The following OR8B3 variants were observed in gnomAD, a reference collection of about 807,000 sequenced individuals.
OR8B3 encodes olfactory receptor family 8 subfamily B member 3, also known as olfactory receptor 8B3.
For synonymous variants in OR8B3, 102 were observed against 135.4 expected, an observed-to-expected ratio of 0.75 and a Z score of 1.71; for missense variants, 278 against 377.6, an observed-to-expected ratio of 0.74 and a Z score of 2.19.
At chr11:124,400,950 T>C (rs1291811597), upstream of OR8B3, among the ~76,000 whole-genome samples, 4 of 152,142 alleles carry the variant, frequency 2.6e-5, no homozygotes, top group Non-Finnish European at 5.9e-5. Flanking sequence ...TGTACTTTCT[T>C]TTGGAACATA....
chr11:124,396,455 T>G lies in OR8B3; in HGVS notation c.897A>C (p.Ala299=), dbSNP rs750077519. 3.1e-6 allele frequency: 5 copies of G among 1,613,356 alleles called. No homozygotes were observed. Among genetic ancestry groups the G allele is most frequent in the African/African-American group, 1.3e-5 (1 of 74,858 alleles). Residue 299 remains alanine, a synonymous_variant, in exon 2 of 2, where the codon GCA becomes GCC. Transcript: ENST00000641139. ...GAATTTTAATCAGAGCTTTCCTCAG[T>G]GCAACTTTGACATCCTTGTTCCTCA... ...YSLRNKDVKV[A]LRKALIKIQR...
chr11:124,401,417 C>T (rs886931789), upstream of OR8B3, among the ~76,000 whole-genome samples: 4 of 152,214 alleles, frequency 2.6e-5, no homozygotes, highest in Non-Finnish European at 4.4e-5. Context: ...AGGGGACAAA[C>T]AATCAAAACA....
chr11:124,402,891 G>C (rs1020161206), upstream of OR8B3, among the ~76,000 whole-genome samples: 1 of 151,530 alleles, frequency 6.6e-6, no homozygotes, highest in Non-Finnish European at 1.5e-5. Flanking sequence ...GGATTTGGCA[G>C]GGTCATAGGA....
At chr11:124,406,676 CCT>C in the OR8B3 span, among the ~76,000 whole-genome samples, 1 of 151,990 alleles carries the variant, frequency 6.6e-6, no homozygotes, top group African/African-American at 2.4e-5. Flanking sequence ...TCTGGTCTTT[CCT>C]CTCTAATACA....
chr11:124,404,545 G>A, the OR8B3 span: 1 of 152,314 alleles, frequency 6.6e-6, no homozygotes, highest in Non-Finnish European at 1.5e-5. Context: ...CAATTCTAGA[G>A]AGTGTGTCTT....
intron 1 of OR8B3, among the ~76,000 whole-genome samples, 173 bp from the exon 2 acceptor site, chr11:124,397,541 T>C (rs1205360960): frequency 6.6e-6 from 1 of 151,282 alleles, no homozygotes; most frequent in African/African-American, 2.4e-5. Context: ...CAGTGTCTTT[T>C]GTCTGTACAG....
chr11:124,396,964 A>G lies in OR8B3; in HGVS notation c.388T>C (p.Leu130=), dbSNP rs758875017. 2.5e-6 allele frequency: 4 copies of G among 1,613,296 alleles called. No homozygotes were observed. Among genetic ancestry groups the G allele is most frequent in the South Asian group, 1.1e-5 (1 of 91,022 alleles). Residue 130 remains leucine, a synonymous_variant, in exon 2 of 2, where the codon TTG becomes CTG. Coordinates refer to ENST00000641139, the MANE Select transcript of OR8B3 (RefSeq NM_001005467.2). Reference sequence around the variant, plus strand: ...TGGGACATGGTGACCTTATACAGCAATGGATTACAGATGGCCACATAGCGA... The same window carrying G: ...TGGGACATGGTGACCTTATACAGCAGTGGATTACAGATGGCCACATAGCGA... ...YDRYVAICNP[L]LYKVTMSHQV... is the part of the protein sequence containing the mutation.
chr11:124,396,183 G>GC lies in OR8B3; in HGVS notation c.*226dup. The GC allele has an allele frequency of 2.0e-6, 1 of 493,360 alleles. No homozygotes were observed. The highest frequency in any genetic ancestry group is 3.6e-6 in the Non-Finnish European group (1 of 281,632). 30.6% of individuals were successfully genotyped at this position (493,360 alleles called of 1,614,324 possible). A position where few individuals can be genotyped will look rare whatever the true frequency, so the allele number is the denominator to read the frequency against. On this transcript the variant is annotated 3_prime_UTR_variant, in exon 2 of 2. Coordinates refer to ENST00000641139, the MANE Select transcript of OR8B3 (RefSeq NM_001005467.2). Reference sequence around the variant, plus strand: ...TAAAATGATAATGAAAAATATCAGTGCATATGTTCCTTTTACAAAGATGCC... The same window carrying GC: ...TAAAATGATAATGAAAAATATCAGTGCCATATGTTCCTTTTACAAAGATGCC...
At chr11:124,400,154 C>T (rs1021446641), upstream of OR8B3, among the ~76,000 whole-genome samples, 1 of 152,054 alleles carries the variant, frequency 6.6e-6, no homozygotes, top group African/African-American at 2.4e-5. Flanking sequence ...AGTCACCATA[C>T]CCAGCCAAAA....
chr11:124,405,515 A>G, the OR8B3 span, among the ~76,000 whole-genome samples: 1 of 152,212 alleles, frequency 6.6e-6, no homozygotes, highest in Non-Finnish European at 1.5e-5. Flanking sequence ...CCAGTGCTCA[A>G]CCTCGAGGGC....
chr11:124,396,530 A>C lies in OR8B3; in HGVS notation c.822T>G (p.Ser274=), dbSNP rs762486067. The change falls in exon 2 of 2, where the codon TCT becomes TCG. Residue 274 remains serine, a synonymous_variant. Transcript: ENST00000641139. ...TGGGCACCACATTAGTGTAGAAAAC[A>C]GAAGAAACTTTTCCCTGCTCCATAG... ...SGSMEQGKVS[S]VFYTNVVPML... is the part of the protein sequence containing the mutation. The C allele has an allele frequency of 2.5e-6, 4 of 1,614,098 alleles. No individual in the cohort carries two copies. The highest frequency in any genetic ancestry group is 3.4e-6 in the Non-Finnish European group (4 of 1,180,010).
At chr11:124,404,950 G>A in the OR8B3 span, 1 of 152,138 alleles carries the variant, frequency 6.6e-6, no homozygotes, top group Non-Finnish European at 1.5e-5. Context: ...GAAAAAGTGT[G>A]TGGGGGTATG....
At position 124,396,772 on chromosome 11, in the gene OR8B3, C is replaced by T; in HGVS notation, c.580G>A (p.Val194Ile). 6.2e-7 allele frequency: 1 copy of T among 1,613,662 alleles called. No individual in the cohort carries two copies. The highest frequency in any genetic ancestry group is 1.1e-5 in the South Asian group (1 of 91,048). ...LLQLSCTSTY[V>I]NEVVVLIVVG... ...ACAATGAGAACAACCACCTCGTTGA[C>T]ATAGGTGCTGGTGCAGGAAAGCTGG... The change falls in exon 2 of 2, where the codon GTC (valine) becomes ATC (isoleucine). Residue 194 changes from valine (V) to isoleucine (I), a missense_variant. Val to Ile is a conservative substitution (Grantham distance 29). Transcript: ENST00000641139.
upstream of OR8B3, among the ~76,000 whole-genome samples, chr11:124,399,740 T>C (rs1360367770): frequency 2.0e-5 from 3 of 152,342 alleles, no homozygotes; most frequent in Middle Eastern, 3.4e-3. Context: ...AACCAGGAAA[T>C]TGACATAGGT....
chr11:124,408,694 C>T, the OR8B3 span, among the ~76,000 whole-genome samples: 1 of 152,152 alleles, frequency 6.6e-6, no homozygotes, highest in African/African-American at 2.4e-5. Context: ...TCGACTCCAT[C>T]TACTATTTTA....
At chr11:124,405,121 A>G in the OR8B3 span, 7 of 152,170 alleles carry the variant, frequency 4.6e-5, no homozygotes, top group Non-Finnish European at 8.8e-5. Context: ...GGTATGATCT[A>G]TAAGAACAGG....
At chr11:124,409,601 A>T in the OR8B3 span, among the ~76,000 whole-genome samples, 1 of 152,212 alleles carries the variant, frequency 6.6e-6, no homozygotes, top group South Asian at 2.1e-4. Context: ...ACAGATGTTT[A>T]TTTGATGAAA....
upstream of OR8B3, among the ~76,000 whole-genome samples, chr11:124,399,541 A>G (rs1057339552): frequency 5.3e-5 from 8 of 152,180 alleles, no homozygotes; most frequent in Non-Finnish European, 7.4e-5. Flanking sequence ...TTATTTCAAG[A>G]CAGTGTGACT....
chr11:124,400,294 C>A (rs1472730443), upstream of OR8B3, among the ~76,000 whole-genome samples: 1 of 152,116 alleles, frequency 6.6e-6, no homozygotes, highest in Non-Finnish European at 1.5e-5. Flanking sequence ...AAATTAAGAT[C>A]ATTAACACAC....
Sources: allele counts gnomAD v4.1 joint callset (sites outside exome capture counted in the v4.1 genomes callset), GRCh38; gene constraint gnomAD v4.1.1; transcripts MANE v1.5; gene names NCBI Gene and HGNC (gene_info 2026-07-23, HGNC 2026-07-21).